Variants in ATP1B4 observed in about 807,000 individuals in gnomAD.
The protein encoded by ATP1B4 is protein ATP1B4.
In ATP1B4, 32 loss-of-function variants were observed where a neutral mutation model predicts 29.6. The observed-to-expected ratio is 1.08, with a 90% confidence interval of 0.82 to 1.45. ATP1B4 has a LOEUF of 1.45. Ranked by LOEUF, ATP1B4 falls within the 40% of genes most tolerant of loss-of-function variation. The pLI is 0.00. For synonymous variants in ATP1B4, 127 were observed against 102.1 expected, an observed-to-expected ratio of 1.24 and a Z score of -1.47; for missense variants, 323 against 276.2, an observed-to-expected ratio of 1.17 and a Z score of -1.20.
At position 120,380,362 on chromosome X, in the gene ATP1B4, G is replaced by A. The variant is rs1194014377; in HGVS notation, c.*728G>A. The A allele has an allele frequency of 8.9e-6, 1 of 112,120 alleles. No individual in the cohort carries two copies. The highest frequency in any genetic ancestry group is 1.9e-5 in the Non-Finnish European group (1 of 53,259). 9.2% of individuals were successfully genotyped at this position (112,120 alleles called of 1,213,427 possible). On this transcript the variant is annotated 3_prime_UTR_variant, in exon 8 of 8. Coordinates refer to ENST00000218008, the MANE Select transcript of ATP1B4 (RefSeq NM_001142447.3). ...TTCTGCCTCCCACAGACAACTAAGT[G>A]CTTATTCAAAGACTAGGTTATTTTC...
intron 5 of ATP1B4, among the ~76,000 whole-genome samples, 168 bp downstream of exon 5, chrX:120,375,736 C>T (rs1470776665): frequency 1.8e-5 from 2 of 109,285 alleles, no homozygotes; most frequent in Non-Finnish European, 3.8e-5. Flanking sequence ...TTCTTCCCCC[C>T]CGCCCACCGA....
intron 2 of ATP1B4, among the ~76,000 whole-genome samples, chrX:120,368,186 T>C (rs1167189264): frequency 9.0e-6 from 1 of 111,011 alleles, no homozygotes; most frequent in Non-Finnish European, 1.9e-5. Context: ...CCAGAGAAGA[T>C]ATGGCAATAG....
At chrX:120,374,434 A>G (rs1218105513) in intron 4 of ATP1B4, among the ~76,000 whole-genome samples, 1 of 101,669 alleles carries the variant, frequency 9.8e-6, no homozygotes, top group Non-Finnish European at 2.0e-5. Flanking sequence ...GATTTAACCC[A>G]GGATATACCA....
At chrX:120,371,263 G>T in intron 4 of ATP1B4, 53 bp downstream of exon 4, 2 of 1,020,187 alleles carry the variant, frequency 2.0e-6, no homozygotes, top group East Asian at 3.0e-5. Flanking sequence ...TGATGGGTGG[G>T]AATCCAAAAT....
chrX:120,382,594 C>G lies in ATP1B4; in HGVS notation c.*2960C>G, dbSNP rs2058385606. On this transcript the variant is annotated 3_prime_UTR_variant, in exon 8 of 8. Coordinates refer to ENST00000218008, the MANE Select transcript of ATP1B4 (RefSeq NM_001142447.3). ...GCTGCTGCTTACCAGAAAGTACCAT[C>G]TTCTTAAAAATCAATGAATGATATC... 1 of 112,109 alleles carries G rather than the reference C, an allele frequency of 8.9e-6. No homozygotes were observed. The highest frequency in any genetic ancestry group is 3.2e-5 in the African/African-American group (1 of 30,900). 9.2% of individuals were successfully genotyped at this position (112,109 alleles called of 1,213,427 possible). A position where few individuals can be genotyped will look rare whatever the true frequency, so the allele number is the denominator to read the frequency against.
intron 2 of ATP1B4, among the ~76,000 whole-genome samples, chrX:120,367,221 G>A (rs959300506): frequency 1.8e-5 from 2 of 111,900 alleles, no homozygotes; most frequent in Admixed American, 9.5e-5. Flanking sequence ...CCAATTAGAT[G>A]TTAAAACTGT....
intron 1 of ATP1B4, among the ~76,000 whole-genome samples, 193 bp from the exon 2 acceptor site, chrX:120,366,332 T>C (rs1211989451): frequency 8.9e-6 from 1 of 111,758 alleles, no homozygotes; most frequent in Non-Finnish European, 1.9e-5. Context: ...AAATGGGTCA[T>C]AGAAAGGATA....
chrX:120,371,284 C>T (rs2058312187), intron 4 of ATP1B4, 74 bp downstream of exon 4: 1 of 863,830 alleles, frequency 1.2e-6, no homozygotes, highest in Non-Finnish European at 1.7e-6. Flanking sequence ...TCAAAATTCA[C>T]CTGGCCCAGG....
Position 120,375,469 on chromosome X carries a change from C to A in ATP1B4, c.660C>A (p.Cys220Ter). The change falls in exon 5 of 8, where the codon TGC becomes TGA. Residue 220 changes from cysteine (C) to a stop codon, truncating the protein, a stop_gained. Transcript: ENST00000218008. LOFTEE classifies it high-confidence loss of function. The part of the protein sequence containing the change: ...DGNEDEDKKA[C>*]QFKRSFLKNC... Reference sequence around the variant, plus strand: ...ATGAGGATGAGGACAAGAAGGCCTGCCAATTTAAGCGCTCCTTCCTAAAGA... The same window carrying A: ...ATGAGGATGAGGACAAGAAGGCCTGACAATTTAAGCGCTCCTTCCTAAAGA... 1.7e-6 allele frequency: 2 copies of A among 1,210,793 alleles called. No individual in the cohort carries two copies. The highest frequency in any genetic ancestry group is 2.2e-6 in the Non-Finnish European group (2 of 894,867).
intron 4 of ATP1B4, among the ~76,000 whole-genome samples, chrX:120,374,985 C>T (rs769904865): frequency 2.7e-4 from 28 of 104,204 alleles, no homozygotes; most frequent in African/African-American, 9.1e-4. Flanking sequence ...AACTATGTGC[C>T]TATTTCTCTC....
rs2058384583 is a variant in ATP1B4 at position 120,382,340 on chromosome X, A to G, written c.*2706A>G. On this transcript the variant is annotated 3_prime_UTR_variant, in exon 8 of 8. Transcript: ENST00000218008. ...CATACAATGAAACTGCCTCCTCTCA[A>G]CCCATTTTCTTAACAAATTCAATTT... The G allele has an allele frequency of 8.9e-6, 1 of 112,134 alleles. No individual in the cohort carries two copies. The highest frequency in any genetic ancestry group is 3.2e-5 in the African/African-American group (1 of 30,848). The allele number at this position is 112,134 out of a possible 1,213,427, so 9.2% of individuals were successfully genotyped here. A position where few individuals can be genotyped will look rare whatever the true frequency, so the allele number is the denominator to read the frequency against.
rs1338893378 is a variant in ATP1B4 at position 120,369,215 on chromosome X, C to T, written c.329-1500C>T. Among the ~76,000 whole-genome samples the T allele has an allele frequency of 2.7e-5, 3 of 112,412 alleles. No individual in the cohort carries two copies. The East Asian group carries it at 8.4e-4, about 31-fold the overall frequency. ...GGGTAAAGGAATGGAGGCAGAAACA[C>T]AGGGCAAATGCCATTAGATAGCCAG... is the stretch of plus-strand genomic sequence containing the variant. On this transcript the variant is annotated intron_variant, in intron 2 of 7. Coordinates refer to ENST00000218008, the MANE Select transcript of ATP1B4 (RefSeq NM_001142447.3).
At chrX:120,362,472 G>T (rs987606982) in intron 1 of ATP1B4, among the ~76,000 whole-genome samples, 1 of 111,940 alleles carries the variant, frequency 8.9e-6, no homozygotes, top group Non-Finnish European at 1.9e-5. Context: ...AAGGGAAGGA[G>T]AAGATAACAG....
intron 2 of ATP1B4, among the ~76,000 whole-genome samples, chrX:120,370,004 A>G (rs982305696): frequency 4.7e-4 from 53 of 111,588 alleles, no homozygotes; most frequent in African/African-American, 1.7e-3. Context: ...GGTAAGTGCT[A>G]TTTTTATCCC....
At position 120,366,803 on chromosome X, in the gene ATP1B4, G is replaced by GTCCCAATAT. The variant is rs752858389; in HGVS notation, c.328+21_328+22insATTCCCAAT. 2 of 1,200,734 alleles carry GTCCCAATAT rather than the reference G, an allele frequency of 1.7e-6. No homozygotes were observed. The highest frequency in any genetic ancestry group is 4.4e-5 in the Admixed American group (2 of 45,778). ...GTCAGAGTTGGAGTAAGTCCCAATAGTCCCAATGCCAAAGTCTGGTGTCCT... is the reference window on the plus strand; with the variant it reads ...GTCAGAGTTGGAGTAAGTCCCAATAGTCCCAATATTCCCAATGCCAAAGTCTGGTGTCCT... On this transcript the variant is annotated intron_variant, in intron 2 of 7. Transcript: ENST00000218008.
intron 7 of ATP1B4, 97 bp from the exon 8 acceptor site, chrX:120,379,376 G>A: frequency 3.5e-6 from 3 of 851,323 alleles, no homozygotes; most frequent in Non-Finnish European, 4.9e-6. Flanking sequence ...GATTTACTCA[G>A]TTCTCTTTGT....
At chrX:120,364,402 T>G (rs1229747379) in intron 1 of ATP1B4, among the ~76,000 whole-genome samples, 2 of 111,563 alleles carry the variant, frequency 1.8e-5, no homozygotes, top group Non-Finnish European at 3.8e-5. Context: ...GTGAGAGCAT[T>G]CCCGCAGAGT....
In ATP1B4 at chrX:120,375,860, C is replaced by T. The variant is rs184843380; in HGVS notation, c.759+292C>T. 1.5e-3 allele frequency among the ~76,000 whole-genome samples: 165 copies of T among 110,025 alleles called. 1 individual carries two copies. The highest frequency in any genetic ancestry group is 6.1e-4 in the Non-Finnish European group (32 of 52,789). ...GCTCGAGGTTATAATCCAAGCTACT[C>T]GGGAGGCTGAGGAAGGAGGGTTGCT... On this transcript the variant is annotated intron_variant, in intron 5 of 7. Coordinates refer to ENST00000218008, the MANE Select transcript of ATP1B4 (RefSeq NM_001142447.3).
Position 120,375,530 on chromosome X carries a change from T to C in ATP1B4, c.721T>C (p.Ser241Pro), listed in dbSNP as rs779264283. ...TCTGGAGGACCCAACTTTTGGATAC[T>C]CTACTGGACAGCCCTGCATCCTTCT... Reference protein sequence around the residue: ...SGLEDPTFGYSTGQPCILLKM... With the variant: ...SGLEDPTFGYPTGQPCILLKM... The change falls in exon 5 of 8, where the codon TCT (serine) becomes CCT (proline). Residue 241 changes from serine (S) to proline (P), a missense_variant. By Grantham distance (74) the Ser-to-Pro change is moderately conservative. Transcript: ENST00000218008. 4.1e-6 allele frequency: 5 copies of C among 1,210,664 alleles called. No individual in the cohort carries two copies. The highest frequency in any genetic ancestry group is 3.0e-5 in the East Asian group (1 of 33,821).
Sources: allele counts gnomAD v4.1 joint callset (sites outside exome capture counted in the v4.1 genomes callset), GRCh38; gene constraint gnomAD v4.1.1; transcripts MANE v1.5; gene names NCBI Gene and HGNC (gene_info 2026-07-23, HGNC 2026-07-21).